The following ESRRB variants were observed in gnomAD, a reference collection of about 807,000 sequenced individuals.
ESRRB encodes estrogen related receptor beta.
ESRRB carries 16 observed loss-of-function variants against 46.0 expected under a neutral mutation model. The observed-to-expected ratio is 0.35, with a 90% CI of 0.24 to 0.53. The LOEUF (loss-of-function observed/expected upper bound fraction) is 0.53. Ranked by LOEUF, ESRRB falls within the 20% of genes least tolerant of loss-of-function variation. ESRRB has a pLI of 0.93. For synonymous variants in ESRRB, 246 were observed against 259.6 expected, an observed-to-expected ratio of 0.95 and a Z score of 0.50; for missense variants, 488 against 607.4, an observed-to-expected ratio of 0.80 and a Z score of 2.07.
intron 3 of ESRRB, among the ~76,000 whole-genome samples, chr14:76,475,768 T>C (rs1022866424): frequency 6.6e-6 from 1 of 152,250 alleles, no homozygotes; most frequent in African/African-American, 2.4e-5. Context: ...AATCATATGG[T>C]AATTCTGTCT....
chr14:76,500,258 A>C lies in ESRRB; in HGVS notation c.*1800A>C. On this transcript the variant is annotated 3_prime_UTR_variant, in exon 7 of 7. Transcript: ENST00000644823. ...CCACACAGAAAATGTTAAGGATTTC[A>C]AGAGCCCTCCCAGACCAGTGATGTG... 1.6e-6 allele frequency: 1 copy of C among 609,926 alleles called. No homozygotes were observed. The highest frequency in any genetic ancestry group is 2.9e-6 in the Non-Finnish European group (1 of 346,562). The allele number at this position is 609,926 out of a possible 1,614,324, so 37.8% of individuals were successfully genotyped here. A position where few individuals can be genotyped will look rare whatever the true frequency, so the allele number is the denominator to read the frequency against.
chr14:76,341,407 C>T (rs1484940751), intron 1 of ESRRB, among the ~76,000 whole-genome samples: 2 of 152,240 alleles, frequency 1.3e-5, no homozygotes, highest in African/African-American at 4.8e-5. Flanking sequence ...AGTTCATGTA[C>T]TCCCCTCCCT....
In ESRRB at chr14:76,491,576, T is replaced by A. The variant is rs745788988; in HGVS notation, c.980T>A (p.Ile327Asn). The change falls in exon 6 of 7, where the codon ATC becomes AAC. Residue 327 changes from isoleucine to asparagine, a missense_variant. Physicochemically the swap from Ile to Asn is moderately radical, Grantham distance 149. Transcript: ENST00000644823. ...DDKLVYAEDY[I>N]MDEEHSRLAG... is the part of the protein sequence containing the mutation. ...AAGCTGGTGTACGCTGAGGACTACATCATGGATGAGGAGCACTCCCGCCTC... is the reference window on the plus strand; with the variant it reads ...AAGCTGGTGTACGCTGAGGACTACAACATGGATGAGGAGCACTCCCGCCTC... 6.3e-7 allele frequency: 1 copy of A among 1,592,092 alleles called. No individual in the cohort carries two copies.
At chr14:76,360,196 C>T (rs1332936853) in intron 1 of ESRRB, among the ~76,000 whole-genome samples, 3 of 152,118 alleles carry the variant, frequency 2.0e-5, no homozygotes, top group Non-Finnish European at 4.4e-5. Context: ...TGCACTGTCA[C>T]ATTGCTCTGC....
At chr14:76,473,502 GCGCCTGGGACAGGCT>G (rs1379297996) in intron 3 of ESRRB, among the ~76,000 whole-genome samples, 1 of 152,248 alleles carries the variant, frequency 6.6e-6, no homozygotes, top group African/African-American at 2.4e-5. Context: ...GATGTGGGAA[GCGCCTGGGACAGGCT>G]TAGGGCCAGG....
chr14:76,472,182 A>G (rs1889397916), intron 3 of ESRRB, among the ~76,000 whole-genome samples: 1 of 152,150 alleles, frequency 6.6e-6, no homozygotes, highest in African/African-American at 2.4e-5. Context: ...AAAAGAAAGG[A>G]ACGGAAAGGG....
At chr14:76,316,663 A>G (rs1047208110) in intron 1 of ESRRB, among the ~76,000 whole-genome samples, 1 of 152,128 alleles carries the variant, frequency 6.6e-6, no homozygotes, top group African/African-American at 2.4e-5. Context: ...CTACTAGGTC[A>G]GCTCGTGACT....
intron 2 of ESRRB, among the ~76,000 whole-genome samples, chr14:76,441,320 G>T (rs1887913185): frequency 6.6e-6 from 1 of 152,194 alleles, no homozygotes; most frequent in Non-Finnish European, 1.5e-5. Flanking sequence ...CTGACAAAAG[G>T]CGTGCAAGAA....
intron 3 of ESRRB, among the ~76,000 whole-genome samples, chr14:76,465,470 C>G (rs1889066268): frequency 6.6e-6 from 1 of 152,114 alleles, no homozygotes; most frequent in South Asian, 2.1e-4. Context: ...CCACAATTGA[C>G]CGGTGGCCAC....
rs72731629 is a variant in ESRRB, at chr14:76,387,847, G to A, written c.50+11396G>A. Among the ~76,000 whole-genome samples, 949 of 152,346 alleles carry A rather than the reference G, an allele frequency of 6.2e-3. 8 individuals carry two copies. Among genetic ancestry groups the A allele is most frequent in the Non-Finnish European group, 0.01 (686 of 68,034 alleles). ...GGGGGATAGGAGAGCTAAATATAAA[G>A]TGTAAGGCCAGAGATGGGCGATTGT... On this transcript the variant is annotated intron_variant, in intron 1 of 6. Coordinates refer to ENST00000644823, the MANE Select transcript of ESRRB (RefSeq NM_001379180.1).
intron 5 of ESRRB, 105 bp from the exon 6 acceptor site, chr14:76,491,342 C>T (rs924313388): frequency 4.2e-5 from 51 of 1,209,130 alleles, no homozygotes; most frequent in African/African-American, 6.0e-5. Flanking sequence ...AGGGACACCC[C>T]GCAACCAGCC....
chr14:76,476,446 T>C (rs997816696), intron 3 of ESRRB, among the ~76,000 whole-genome samples: 1 of 152,226 alleles, frequency 6.6e-6, no homozygotes, highest in Non-Finnish European at 1.5e-5. Context: ...TTCCTGAGTC[T>C]ACTTTTAGAT....
At chr14:76,422,217 T>C (rs1442655821) in intron 1 of ESRRB, among the ~76,000 whole-genome samples, 1 of 145,628 alleles carries the variant, frequency 6.9e-6, no homozygotes, top group Admixed American at 6.8e-5. Flanking sequence ...TTTTTTTTTT[T>C]TTTTTTTTTT....
intron 1 of ESRRB, among the ~76,000 whole-genome samples, chr14:76,314,030 C>T (rs1883769248): frequency 6.6e-6 from 1 of 152,046 alleles, no homozygotes; most frequent in Non-Finnish European, 1.5e-5. Context: ...GAGAGTGACT[C>T]CGAATATTTA....
intron 1 of ESRRB, among the ~76,000 whole-genome samples, chr14:76,416,550 A>T (rs113401921): frequency 0.031 from 4,717 of 151,682 alleles, 131 homozygotes; most frequent in African/African-American, 0.076. Flanking sequence ...GTTCACTGCA[A>T]CCTCCACCTT....
At chr14:76,346,148 G>C (rs2360997) in intron 1 of ESRRB, among the ~76,000 whole-genome samples, 123,122 of 152,118 alleles carry the variant, frequency 0.81, 50,277 homozygotes, top group East Asian at 1. Context: ...GATCCTATTT[G>C]TAAATAAGCC....
At chr14:76,424,918 G>A (rs1887132846) in intron 1 of ESRRB, among the ~76,000 whole-genome samples, 1 of 152,094 alleles carries the variant, frequency 6.6e-6, no homozygotes, top group Non-Finnish European at 1.5e-5. Context: ...TATATTTTTA[G>A]TAGAGATGGG....
At chr14:76,380,946 A>G (rs12880655) in intron 1 of ESRRB, among the ~76,000 whole-genome samples, 80,550 of 152,048 alleles carry the variant, frequency 0.53, 21,268 homozygotes, top group Admixed American at 0.58. Flanking sequence ...GAAGGCTTTC[A>G]CCGATTTCTA....
rs74813924 is a variant in ESRRB at position 76,498,471 on chromosome 14, C to G, written c.*13C>G. ...GGCCAAGGTGTGATGGCCCCGCACA[C>G]GGACCAATGCCCACCTACAGACAGA... On this transcript the variant is annotated 3_prime_UTR_variant, in exon 7 of 7. Coordinates refer to ENST00000644823, the MANE Select transcript of ESRRB (RefSeq NM_001379180.1). 4 of 1,612,992 alleles carry G rather than the reference C, an allele frequency of 2.5e-6. No homozygotes were observed. Among genetic ancestry groups the G allele is most frequent in the Non-Finnish European group, 1.7e-6 (2 of 1,180,008 alleles).
Sources: allele counts gnomAD v4.1 joint callset (sites outside exome capture counted in the v4.1 genomes callset), GRCh38; gene constraint gnomAD v4.1.1; transcripts MANE v1.5; gene names NCBI Gene and HGNC (gene_info 2026-07-23, HGNC 2026-07-21).